The following IRAK3 variants were observed in gnomAD, a reference collection of about 807,000 sequenced individuals.
IRAK3 encodes the protein interleukin 1 receptor associated kinase 3, also known as interleukin-1 receptor-associated kinase 3.
Under a neutral mutation model 56.6 loss-of-function variants are expected in IRAK3, and 57 were observed. The observed-to-expected ratio is 1.01, with a 90% CI of 0.81 to 1.26. The LOEUF (loss-of-function observed/expected upper bound fraction) is 1.26, where lower values mean the gene tolerates loss of function less well. Ranked by LOEUF, IRAK3 falls within the 50% of genes most tolerant of loss-of-function variation. The pLI is 0.00. For missense variants in IRAK3, 703 were observed against 719.0 expected, an observed-to-expected ratio of 0.98 and a Z score of 0.25; for synonymous variants, 258 against 255.7, an observed-to-expected ratio of 1.01 and a Z score of -0.09.
Position 66,209,494 on chromosome 12 carries a change from G to A in IRAK3, c.355G>A (p.Gly119Ser). 6.2e-7 allele frequency: 1 copy of A among 1,602,534 alleles called. No homozygotes were observed. Among genetic ancestry groups the A allele is most frequent in the Non-Finnish European group, 8.5e-7 (1 of 1,169,728 alleles). ...LSPSEKSYQE[G>S]GFPNILFKET... is the part of the protein sequence containing the mutation. ...TCCTTCAGAGAAGAGTTATCAGGAA[G>A]GTGGATTTCCAAATATATTATTCAA... Residue 119 changes from glycine (G) to serine (S), a missense_variant, in exon 3 of 12, where the codon GGT (glycine) becomes AGT (serine). Physicochemically the swap from Gly to Ser is moderately conservative, Grantham distance 56 (BLOSUM62 0). Coordinates refer to ENST00000261233, the MANE Select transcript of IRAK3 (RefSeq NM_007199.3).
At chr12:66,213,384 G>A (rs1054741487) in intron 5 of IRAK3, among the ~76,000 whole-genome samples, 2 of 152,152 alleles carry the variant, frequency 1.3e-5, no homozygotes, top group Admixed American at 6.5e-5. Context: ...ATCTGAAAAG[G>A]TTACATACCA....
intron 6 of IRAK3, 55 bp downstream of exon 6, chr12:66,217,290 T>C (rs1232152734): frequency 1.5e-6 from 2 of 1,290,662 alleles, no homozygotes; most frequent in Non-Finnish European, 2.3e-6. Context: ...TTCATCTCTG[T>C]TCATTTTTTA....
chr12:66,232,734 T>C (rs946224606), intron 8 of IRAK3, among the ~76,000 whole-genome samples: 1 of 152,240 alleles, frequency 6.6e-6, no homozygotes, highest in Non-Finnish European at 1.5e-5. Flanking sequence ...TTTGCCTTTG[T>C]CATATTAATT....
chr12:66,233,017 T>TTATTATTA (rs1565809136), intron 8 of IRAK3, among the ~76,000 whole-genome samples: 2 of 144,398 alleles, frequency 1.4e-5, no homozygotes, highest in South Asian at 2.1e-4. Flanking sequence ...TATTATTATT[T>TTATTATTA]TTAAAAAGCC....
intron 8 of IRAK3, among the ~76,000 whole-genome samples, chr12:66,243,392 A>G (rs557880375): frequency 3.9e-5 from 6 of 152,224 alleles, no homozygotes; most frequent in Non-Finnish European, 8.8e-5. Context: ...TAGTAACAGC[A>G]TGTCGTACTA....
Position 66,247,926 on chromosome 12 carries a change from T to C in IRAK3, c.1546T>C (p.Phe516Leu). The change falls in exon 12 of 12, where the codon TTT becomes CTT. Residue 516 changes from phenylalanine (F) to leucine (L), a missense_variant. Transcript: ENST00000261233. ...PFECSQSEVMFLSLDKKPESK... is the reference protein window; with the variant it reads ...PFECSQSEVMLLSLDKKPESK... Reference sequence around the variant, plus strand: ...TGAATGCAGCCAGTCTGAGGTTATGTTTCTGAGCTTGGACAAAAAGCCAGA... The same window carrying C: ...TGAATGCAGCCAGTCTGAGGTTATGCTTCTGAGCTTGGACAAAAAGCCAGA... The C allele has an allele frequency of 6.2e-7, 1 of 1,614,164 alleles. No homozygotes were observed. The highest frequency in any genetic ancestry group is 8.5e-7 in the Non-Finnish European group (1 of 1,180,018).
At chr12:66,215,501 T>G (rs2052660480) in intron 5 of IRAK3, among the ~76,000 whole-genome samples, 1 of 152,212 alleles carries the variant, frequency 6.6e-6, no homozygotes, top group South Asian at 2.1e-4. Flanking sequence ...TGGGCAGCTT[T>G]TTTTGAAGAG....
chr12:66,228,954 G>C (rs1312832116), intron 8 of IRAK3, among the ~76,000 whole-genome samples: 1 of 152,204 alleles, frequency 6.6e-6, no homozygotes, highest in Non-Finnish European at 1.5e-5. Flanking sequence ...CCATGGGTTT[G>C]TCAGGATGTA....
chr12:66,240,205 C>T (rs1426169881), intron 8 of IRAK3, among the ~76,000 whole-genome samples: 4 of 152,092 alleles, frequency 2.6e-5, no homozygotes, highest in African/African-American at 9.7e-5. Flanking sequence ...GTAAGAACCC[C>T]GTGAAGTAAG....
rs1406787011 is a variant in IRAK3 at position 66,249,782 on chromosome 12, CCCTTCTGCATGTCTTTTATAAAGA to C, written c.*1616_*1639del. 2.0e-5 allele frequency: 3 copies of C among 152,186 alleles called. No homozygotes were observed. The highest frequency in any genetic ancestry group is 7.2e-5 in the African/African-American group (3 of 41,438). 9.4% of individuals were successfully genotyped at this position (152,186 alleles called of 1,614,324 possible). A position where few individuals can be genotyped will look rare whatever the true frequency, so the allele number is the denominator to read the frequency against. On this transcript the variant is annotated 3_prime_UTR_variant, in exon 12 of 12. Coordinates refer to ENST00000261233, the MANE Select transcript of IRAK3 (RefSeq NM_007199.3). ...CACTACCCTCTTCCTCTCATTCTGG[CCCTTCTGCATGTCTTTTATAAAGA>C]CCTTTGTGATTTCACTGGGCCCACT...
intron 1 of IRAK3, among the ~76,000 whole-genome samples, chr12:66,201,815 AC>A (rs1297200155): frequency 6.6e-6 from 1 of 152,210 alleles, no homozygotes; most frequent in Non-Finnish European, 1.5e-5. Flanking sequence ...CAATGGGAAG[AC>A]AGGGGGAACA....
chr12:66,250,750 T>C lies in IRAK3; in HGVS notation c.*2579T>C, dbSNP rs759965550. ...GGGTATTATGTTGATTTGAACTTGC[T>C]TAGCTGACTTAAAGCAGGGTTTCTC... On this transcript the variant is annotated 3_prime_UTR_variant, in exon 12 of 12. Coordinates refer to ENST00000261233, the MANE Select transcript of IRAK3 (RefSeq NM_007199.3). The C allele has an allele frequency of 6.6e-6, 1 of 152,258 alleles. No homozygotes were observed. The highest frequency in any genetic ancestry group is 2.4e-5 in the African/African-American group (1 of 41,462). The allele number at this position is 152,258 out of a possible 1,614,324, so 9.4% of individuals were successfully genotyped here.
Position 66,234,231 on chromosome 12 carries a change from A to G in IRAK3, c.887+5861A>G, listed in dbSNP as rs1292532470. On this transcript the variant is annotated intron_variant, in intron 8 of 11. Coordinates refer to ENST00000261233, the MANE Select transcript of IRAK3 (RefSeq NM_007199.3). The stretch of plus-strand genomic sequence containing the variant: ...TGCATAGCTGACGTTGCAGGCATGT[A>G]TGTTCCGGTGCTGCCTAGTGACAGA... 3.7e-6 allele frequency: 6 copies of G among 1,613,670 alleles called. No homozygotes were observed. The East Asian group carries it at 8.9e-5, about 24-fold the overall frequency.
At chr12:66,224,335 A>C (rs901077823) in intron 6 of IRAK3, among the ~76,000 whole-genome samples, 1 of 152,200 alleles carries the variant, frequency 6.6e-6, no homozygotes, top group African/African-American at 2.4e-5. Flanking sequence ...CTTAGAATGT[A>C]CTATCAGAAA....
At chr12:66,212,284 A>G (rs1026222803) in intron 5 of IRAK3, among the ~76,000 whole-genome samples, 3 of 152,148 alleles carry the variant, frequency 2.0e-5, no homozygotes, top group South Asian at 4.1e-4. Context: ...ATTGTCTTCT[A>G]TCACAACTCA....
intron 5 of IRAK3, among the ~76,000 whole-genome samples, chr12:66,214,898 A>G (rs1337112878): frequency 6.6e-6 from 1 of 152,196 alleles, no homozygotes; most frequent in Non-Finnish European, 1.5e-5. Context: ...GACGAGGTGA[A>G]GTGGACCACA....
At chr12:66,215,790 A>AGGTGCGCGCG (rs2052668454) in intron 5 of IRAK3, among the ~76,000 whole-genome samples, 2 of 103,090 alleles carry the variant, frequency 1.9e-5, no homozygotes, top group African/African-American at 6.1e-5. Flanking sequence ...CAACATGCAC[A>AGGTGCGCGCG]CACACACACA....
rs75841266 is a variant in IRAK3 at position 66,206,697 on chromosome 12, C to T, written c.317-2759C>T. Among the ~76,000 whole-genome samples, 415 of 152,146 alleles carry T rather than the reference C, an allele frequency of 2.7e-3. 2 individuals carry two copies. Among genetic ancestry groups the T allele is most frequent in the Non-Finnish European group, 4.6e-3 (314 of 67,984 alleles). ...GTTGTTTTCTTGTAATGTCTTTATCCGGCATTGGTATCAATAATACTGGTC... is the reference window on the plus strand; with the variant it reads ...GTTGTTTTCTTGTAATGTCTTTATCTGGCATTGGTATCAATAATACTGGTC... On this transcript the variant is annotated intron_variant, in intron 2 of 11. Coordinates refer to ENST00000261233, the MANE Select transcript of IRAK3 (RefSeq NM_007199.3).
chr12:66,217,623 A>G (rs900962895), intron 6 of IRAK3, among the ~76,000 whole-genome samples: 1 of 152,180 alleles, frequency 6.6e-6, no homozygotes, highest in African/African-American at 2.4e-5. Context: ...TTAGACAAAG[A>G]AATCAAGCGC....
Sources: gnomAD v4.1 joint callset for allele counts (sites outside exome capture counted in the v4.1 genomes callset) on GRCh38, gnomAD v4.1.1 for gene constraint, MANE v1.5 for transcripts, NCBI Gene and HGNC (gene_info 2026-07-23, HGNC 2026-07-21) for gene names.